The following C17orf67 variants were observed in gnomAD, a reference collection of about 807,000 sequenced individuals.
The protein encoded by C17orf67 is uncharacterized protein C17orf67.
Under a neutral mutation model 11.2 loss-of-function variants are expected in C17orf67, and 12 were observed. The observed-to-expected ratio is 1.07, with a 90% CI of 0.68 to 1.73. The LOEUF (loss-of-function observed/expected upper bound fraction) is 1.73, where lower values mean the gene tolerates loss of function less well. Among genes scored for constraint, C17orf67 ranks in the 40% most tolerant of loss-of-function variants. C17orf67 has a pLI of 0.00. For synonymous variants in C17orf67, 59 were observed against 46.9 expected (o/e 1.26, Z -1.05); for missense variants, 115 against 113.5 (o/e 1.01, Z -0.06).
chr17:56,810,308 T>C (rs1244967015), intron 6 of C17orf67, among the ~76,000 whole-genome samples: 2 of 132,652 alleles, frequency 1.5e-5, no homozygotes, highest in Admixed American at 7.6e-5. Context: ...CTCACACACA[T>C]ACCCCTCATA....
At chr17:56,813,221 C>G (rs1905674180) in intron 6 of C17orf67, among the ~76,000 whole-genome samples, 1 of 152,140 alleles carries the variant, frequency 6.6e-6, no homozygotes, top group African/African-American at 2.4e-5. Context: ...CACCCCCAAC[C>G]CGCCAGCCGC....
chr17:56,830,251 A>G (rs1043949111), intron 2 of C17orf67, among the ~76,000 whole-genome samples: 1 of 152,102 alleles, frequency 6.6e-6, no homozygotes, highest in Non-Finnish European at 1.5e-5. Context: ...AGGCTGAGGC[A>G]AGAGAATGGC....
chr17:56,832,440 T>C (rs1906237013), intron 2 of C17orf67, among the ~76,000 whole-genome samples: 1 of 152,226 alleles, frequency 6.6e-6, no homozygotes, highest in Non-Finnish European at 1.5e-5. Context: ...ATCCTTCCTC[T>C]GTCTCTCTGG....
intron 2 of C17orf67, among the ~76,000 whole-genome samples, chr17:56,829,528 T>C (rs1232937095): frequency 6.6e-6 from 1 of 152,078 alleles, no homozygotes; most frequent in Non-Finnish European, 1.5e-5. Flanking sequence ...GCTTGGGTCT[T>C]AGGGCAGCGC....
chr17:56,801,326 T>TA (rs545696914), intron 6 of C17orf67, among the ~76,000 whole-genome samples: 67 of 152,286 alleles, frequency 4.4e-4, no homozygotes, highest in African/African-American at 1.5e-3. Flanking sequence ...ATCAATATCA[T>TA]AAAAACTCTA....
chr17:56,793,231 A>C (rs1020394251), intron 7 of C17orf67, among the ~76,000 whole-genome samples: 1 of 152,140 alleles, frequency 6.6e-6, no homozygotes, highest in African/African-American at 2.4e-5. Flanking sequence ...CAAATGAGGA[A>C]ATTATTCAAT....
intron 6 of C17orf67, chr17:56,803,770 A>G (rs553669015): frequency 1.3e-5 from 2 of 152,354 alleles, no homozygotes; most frequent in African/African-American, 2.4e-5. Flanking sequence ...CTAAACACCA[A>G]CTGAAATAAT....
rs58915926 is a variant in C17orf67, at chr17:56,807,903, TAATAAATAAATAAATA to T, written c.156+6950_156+6965del. Among the ~76,000 whole-genome samples the T allele has an allele frequency of 4.5e-3, 655 of 144,510 alleles. 1 individual carries two copies. Among genetic ancestry groups the T allele is most frequent in the Non-Finnish European group, 6.8e-3 (450 of 66,338 alleles). 94.8% of individuals were successfully genotyped at this position (144,510 alleles called of 152,430 possible). ...AGACCCTGTCTCAAAAATAAATAAA[TAATAAATAAATAAATA>T]AATAAATAAATAAATAAATAAATAG... On this transcript the variant is annotated intron_variant, in intron 6 of 7. Transcript: ENST00000397861.
chr17:56,794,796 G>C (rs528195825), intron 7 of C17orf67, among the ~76,000 whole-genome samples: 2 of 152,140 alleles, frequency 1.3e-5, no homozygotes, highest in Non-Finnish European at 2.9e-5. Flanking sequence ...ATAGGGTCAC[G>C]TCCCTCCCCA....
chr17:56,796,816 A>T (rs1001303974), intron 6 of C17orf67, among the ~76,000 whole-genome samples: 10 of 75,366 alleles, frequency 1.3e-4, no homozygotes, highest in African/African-American at 5.1e-4. Context: ...CTCCCACCCC[A>T]TGCCTCCTCC....
intron 4 of C17orf67, among the ~76,000 whole-genome samples, chr17:56,818,118 A>AC (rs756493590): frequency 6.6e-6 from 1 of 152,050 alleles, no homozygotes; most frequent in South Asian, 2.1e-4. Context: ...TGCTTGAATT[A>AC]CAGATGTGAG....
chr17:56,814,894 G>A lies in C17orf67; in HGVS notation c.131C>T (p.Pro44Leu). ...CCGCATTGGCTCATCGGGGAATCCGGGTTTGCTTGGTCTATCCTGTCGCCG... is the reference window on the plus strand; with the variant it reads ...CCGCATTGGCTCATCGGGGAATCCGAGTTTGCTTGGTCTATCCTGTCGCCG... ...RSRRQDRPSKPGFPDEPMREY... is the reference protein window; with the variant it reads ...RSRRQDRPSKLGFPDEPMREY... Residue 44 changes from proline (P) to leucine (L), a missense_variant, in exon 6 of 8, where the codon CCC (proline) becomes CTC (leucine). By Grantham distance (98) the Pro-to-Leu change is moderately conservative (BLOSUM62 -3). Transcript: ENST00000397861. The A allele has an allele frequency of 6.2e-7, 1 of 1,614,074 alleles. No individual in the cohort carries two copies. The highest frequency in any genetic ancestry group is 1.1e-5 in the South Asian group (1 of 91,082).
intron 7 of C17orf67, among the ~76,000 whole-genome samples, chr17:56,793,010 G>A (rs548763415): frequency 6.6e-6 from 1 of 150,782 alleles, no homozygotes; most frequent in Admixed American, 6.6e-5. Context: ...TGATTGTGAT[G>A]ATGATGATGA....
chr17:56,832,336 C>T (rs566820881), intron 2 of C17orf67, among the ~76,000 whole-genome samples: 10 of 152,324 alleles, frequency 6.6e-5, no homozygotes, highest in Non-Finnish European at 2.9e-5. Context: ...GCCAAAAGAA[C>T]TCACTGTTGG....
chr17:56,809,905 C>T (rs1270600615), intron 6 of C17orf67, among the ~76,000 whole-genome samples: 1 of 142,006 alleles, frequency 7.0e-6, no homozygotes, highest in Non-Finnish European at 1.5e-5. Context: ...TTACACACAC[C>T]CTTACACACA....
At chr17:56,816,843 G>A (rs1423313848) in intron 4 of C17orf67, among the ~76,000 whole-genome samples, 1 of 152,070 alleles carries the variant, frequency 6.6e-6, no homozygotes, top group African/African-American at 2.4e-5. Context: ...TTTTGGTTTG[G>A]TTTGGCTTGG....
chr17:56,795,032 A>C lies in C17orf67; in HGVS notation c.*20+12T>G. ...CCTCAGACAGAGGTCCGGGAGAGAG[A>C]AGGAGACGTACCGAGGCTGGTCCTG... On this transcript the variant is annotated intron_variant, in intron 7 of 7. Coordinates refer to ENST00000397861, the MANE Select transcript of C17orf67 (RefSeq NM_001085430.4). The C allele has an allele frequency of 6.4e-7, 1 of 1,570,074 alleles. No homozygotes were observed. Among genetic ancestry groups the C allele is most frequent in the Non-Finnish European group, 8.8e-7 (1 of 1,140,972 alleles).
At chr17:56,828,776 TA>T (rs912069677) in intron 2 of C17orf67, among the ~76,000 whole-genome samples, 21 of 149,340 alleles carry the variant, frequency 1.4e-4, no homozygotes, top group African/African-American at 5.0e-4. Context: ...CCATGTAACA[TA>T]CGAAAAGCAG....
intron 6 of C17orf67, among the ~76,000 whole-genome samples, chr17:56,800,210 C>A (rs1342554490): frequency 6.6e-6 from 1 of 151,948 alleles, no homozygotes; most frequent in Non-Finnish European, 1.5e-5. Context: ...GAACTACAGG[C>A]ACCCACCATC....
Sources: allele counts gnomAD v4.1 joint callset (sites outside exome capture counted in the v4.1 genomes callset), GRCh38; gene constraint gnomAD v4.1.1; transcripts MANE v1.5; gene names NCBI Gene and HGNC (gene_info 2026-07-23, HGNC 2026-07-21).